Variants in ANKRD30B observed in about 807,000 individuals in gnomAD.
The protein encoded by ANKRD30B is ankyrin repeat domain-containing protein 30B.
Under a neutral mutation model 202.2 loss-of-function variants are expected in ANKRD30B, and 144 were observed. The ratio of observed to expected loss-of-function variants is 0.71; its 90% CI spans 0.62 to 0.82. The LOEUF is 0.82. Among genes scored for constraint, ANKRD30B ranks in the 40% least tolerant of loss-of-function variants. The probability of loss-of-function intolerance (pLI) is 0.00; values close to 1 mark genes in which losing one functional copy is unlikely to be tolerated. For synonymous variants in ANKRD30B, 508 were observed against 561.3 expected, an observed-to-expected ratio of 0.91 and a Z score of 1.34; for missense variants, 1,487 against 1,669.1, an observed-to-expected ratio of 0.89 and a Z score of 1.90.
At chr18:14,899,719 T>C in the ANKRD30B span, among the ~76,000 whole-genome samples, 1 of 152,156 alleles carries the variant, frequency 6.6e-6, no homozygotes, top group Non-Finnish European at 1.5e-5. Context: ...AAGAAAATTA[T>C]CTAAAAGTTA....
the ANKRD30B span, among the ~76,000 whole-genome samples, chr18:14,866,295 G>A: frequency 1.3e-5 from 2 of 152,196 alleles, no homozygotes; most frequent in Non-Finnish European, 2.9e-5. Context: ...CTAGATGGTG[G>A]TGGCAACAGA....
the ANKRD30B span, among the ~76,000 whole-genome samples, chr18:14,908,814 AGGGCCCTCCCCTGT>A: frequency 6.6e-6 from 1 of 152,124 alleles, no homozygotes; most frequent in African/African-American, 2.4e-5. Context: ...AGGGCTCCTG[AGGGCCCTCCCCTGT>A]GGTATGGGAG....
chr18:14,907,515 C>A, the ANKRD30B span, among the ~76,000 whole-genome samples: 2 of 152,142 alleles, frequency 1.3e-5, no homozygotes, highest in Non-Finnish European at 1.5e-5. Context: ...GGCGTAGGAG[C>A]GGCTTAACAG....
chr18:14,772,345 A>G, intron 9 of ANKRD30B, 117 bp downstream of exon 9: 1 of 578,942 alleles, frequency 1.7e-6, no homozygotes, highest in Non-Finnish European at 2.7e-6. Flanking sequence ...TTGGTCAGAT[A>G]AAAACATTTT....
the ANKRD30B span, among the ~76,000 whole-genome samples, chr18:14,929,156 C>T: frequency 4.6e-5 from 7 of 152,182 alleles, no homozygotes; most frequent in Admixed American, 1.3e-4. Context: ...CTTGTGTGTC[C>T]GTCCTTGTTT....
At chr18:14,926,374 GC>G in the ANKRD30B span, among the ~76,000 whole-genome samples, 1 of 152,176 alleles carries the variant, frequency 6.6e-6, no homozygotes, top group Non-Finnish European at 1.5e-5. Context: ...ACTGGCTCCA[GC>G]CTGGGATTTG....
In ANKRD30B at chr18:14,804,620, G is replaced by C. The variant is rs1322291403; in HGVS notation, c.2284+796G>C. ...TTTGTGGGAAAAAATGTGGAAGAAG[G>C]GCCATTGGGTAGAAGGTCAGGACAG... On this transcript the variant is annotated intron_variant, in intron 24 of 43. Coordinates refer to ENST00000690538, the MANE Select transcript of ANKRD30B (RefSeq NM_001367607.2). Among the ~76,000 whole-genome samples, 2 of 150,650 alleles carry C rather than the reference G, an allele frequency of 1.3e-5. 1 individual carries two copies. The highest frequency in any genetic ancestry group is 4.9e-5 in the African/African-American group (2 of 40,650).
At chr18:14,768,309 T>C (rs1161998896) in intron 7 of ANKRD30B, among the ~76,000 whole-genome samples, 1 of 152,228 alleles carries the variant, frequency 6.6e-6, no homozygotes, top group Non-Finnish European at 1.5e-5. Context: ...TATAACTTGC[T>C]CTATGCATCT....
At chr18:14,797,464 T>G (rs1163401700) in intron 18 of ANKRD30B, among the ~76,000 whole-genome samples, 197 bp from the exon 19 acceptor site, 4 of 152,160 alleles carry the variant, frequency 2.6e-5, no homozygotes, top group African/African-American at 9.7e-5. Context: ...CATCTTTTAT[T>G]CCATAGCAAT....
the ANKRD30B span, chr18:14,877,875 C>T: frequency 6.6e-6 from 1 of 152,232 alleles, no homozygotes; most frequent in African/African-American, 2.4e-5. Context: ...CCTTTGATTG[C>T]CTCAGGTTCC....
intron 11 of ANKRD30B, among the ~76,000 whole-genome samples, chr18:14,780,413 C>T (rs1433268343): frequency 6.6e-6 from 1 of 151,786 alleles, no homozygotes; most frequent in Non-Finnish European, 1.5e-5. Context: ...CCATTGCACT[C>T]CAGGCTGGGT....
At chr18:14,781,069 C>G (rs1967703390) in intron 11 of ANKRD30B, among the ~76,000 whole-genome samples, 1 of 151,870 alleles carries the variant, frequency 6.6e-6, no homozygotes. Flanking sequence ...TGTCAATAGA[C>G]AAGTAGATTT....
intron 14 of ANKRD30B, among the ~76,000 whole-genome samples, chr18:14,786,782 T>G (rs1211596288): frequency 2.0e-5 from 3 of 152,182 alleles, no homozygotes; most frequent in Non-Finnish European, 4.4e-5. Context: ...ATGATTGCTT[T>G]GTGAAGAAAT....
the ANKRD30B span, among the ~76,000 whole-genome samples, chr18:14,875,538 C>T: frequency 2.8e-4 from 42 of 152,072 alleles, no homozygotes; most frequent in African/African-American, 7.7e-4. Context: ...AGAGAAACTG[C>T]GAGGGAAGAG....
chr18:14,883,395 C>A, the ANKRD30B span: 516 of 74,220 alleles, frequency 7.0e-3, no homozygotes, highest in Non-Finnish European at 9.5e-3. Context: ...CTCTCTCTCT[C>A]TCTCTATATA....
intron 30 of ANKRD30B, among the ~76,000 whole-genome samples, chr18:14,818,300 G>T (rs989788728): frequency 2.0e-5 from 3 of 151,936 alleles, no homozygotes; most frequent in African/African-American, 7.3e-5. Flanking sequence ...GCAGGTTAAT[G>T]ATATATAAAA....
the ANKRD30B span, among the ~76,000 whole-genome samples, chr18:14,902,632 G>A: frequency 5.9e-5 from 9 of 152,082 alleles, no homozygotes; most frequent in African/African-American, 1.2e-4. Context: ...CCTGTTAAAC[G>A]TCCACTCTCA....
chr18:14,940,222 C>T, the ANKRD30B span, among the ~76,000 whole-genome samples: 1 of 152,214 alleles, frequency 6.6e-6, no homozygotes, highest in African/African-American at 2.4e-5. Flanking sequence ...CACCCAGCCT[C>T]CCTGCTGTAG....
At chr18:14,868,974 G>A in the ANKRD30B span, among the ~76,000 whole-genome samples, 3 of 152,338 alleles carry the variant, frequency 2.0e-5, no homozygotes, top group African/African-American at 4.8e-5. Context: ...GCTAGTTTGC[G>A]TGGTGTGGTT....
Sources: gnomAD v4.1 joint callset for allele counts (sites outside exome capture counted in the v4.1 genomes callset) on GRCh38, gnomAD v4.1.1 for gene constraint, MANE v1.5 for transcripts, NCBI Gene and HGNC (gene_info 2026-07-23, HGNC 2026-07-21) for gene names.